The following ZNF483 variants were observed in gnomAD, a reference collection of about 807,000 sequenced individuals.
ZNF483 encodes the protein zinc finger protein 483, also known as zinc finger protein HIT-10.
Under a neutral mutation model 28.6 loss-of-function variants are expected in ZNF483, and 9 were observed. The ratio of observed to expected loss-of-function variants is 0.32; its 90% confidence interval spans 0.19 to 0.55. The LOEUF is 0.55. ZNF483 is among the 20% of genes least tolerant of loss of function. The pLI is 0.93. For missense variants in ZNF483, 675 were observed against 871.7 expected, an observed-to-expected ratio of 0.77 and a Z score of 2.84; for synonymous variants, 322 against 306.2, an observed-to-expected ratio of 1.05 and a Z score of -0.54.
At chr9:111,574,604 TA>T (rs35972893) in intron 5 of ZNF483, 83,773 of 483,778 alleles carry the variant, frequency 0.17, 1 homozygote, top group Middle Eastern at 0.23. Flanking sequence ...GACTCTGTCT[TA>T]AAAAAAAAAA....
At chr9:111,569,624 G>A (rs1308620216) in intron 5 of ZNF483, among the ~76,000 whole-genome samples, 1 of 152,146 alleles carries the variant, frequency 6.6e-6, no homozygotes, top group African/African-American at 2.4e-5. Flanking sequence ...AGTTAGCTGG[G>A]CGTGGTGGTA....
chr9:111,530,761 A>ATATATATATATATATT (rs1827308828), intron 2 of ZNF483, 114 bp from the exon 3 acceptor site: 1 of 10,104 alleles, frequency 9.9e-5, no homozygotes, highest in African/African-American at 7.5e-4. Context: ...TTAGAAATAT[A>ATATATATATATATATT]TATATATATA....
In ZNF483 at chr9:111,542,761, G is replaced by A; in HGVS notation, c.1826G>A (p.Cys609Tyr). ...CACACTGGAGAAAAACCATATTTGT[G>A]TAATGATTGCGGAATGACTTTTAGC... ...RIHTGEKPYLCNDCGMTFSHF... is the reference protein window; with the variant it reads ...RIHTGEKPYLYNDCGMTFSHF... The change falls in exon 6 of 6, where the codon TGT (cysteine) becomes TAT (tyrosine). Residue 609 changes from cysteine (C) to tyrosine (Y), a missense_variant. Physicochemically the swap from Cys to Tyr is radical, Grantham distance 194. Transcript: ENST00000309235. This position sits in a 1 kb window ranked among gnomAD's most constrained non-coding sequence, Gnocchi z 6.2. 6.2e-7 allele frequency: 1 copy of A among 1,614,052 alleles called. No individual in the cohort carries two copies. Among genetic ancestry groups the A allele is most frequent in the Non-Finnish European group, 8.5e-7 (1 of 1,179,974 alleles).
In ZNF483 at chr9:111,554,516, C is replaced by T. The variant is rs779808422; in HGVS notation, c.*11346C>T. Among the ~76,000 whole-genome samples the T allele has an allele frequency of 6.6e-6, 1 of 152,152 alleles. No homozygotes were observed. The highest frequency in any genetic ancestry group is 1.5e-5 in the Non-Finnish European group (1 of 68,012). ...CCATGGGGGATATGCTCCAAGACCT[C>T]GAGTGGATGCCTGCAACCTCAGATA... On this transcript the variant is annotated 3_prime_UTR_variant, in exon 6 of 6. Coordinates refer to ENST00000309235, the MANE Select transcript of ZNF483 (RefSeq NM_133464.5).
Position 111,527,769 on chromosome 9 carries a change from C to T in ZNF483, c.374C>T (p.Thr125Ile), listed in dbSNP as rs770409913. 3.5e-5 allele frequency: 56 copies of T among 1,614,006 alleles called. No homozygotes were observed. The African/African-American group carries it at 6.8e-4, about 20-fold the overall frequency. The change falls in exon 2 of 6, where the codon ACC becomes ATC. Residue 125 changes from threonine (T) to isoleucine (I), a missense_variant. Thr to Ile is a moderately conservative substitution (Grantham distance 89, BLOSUM62 -1). Transcript: ENST00000309235. Reference protein sequence around the residue: ...QHPESSEEVVTLIEDLTQMLE... With the variant: ...QHPESSEEVVILIEDLTQMLE... ...CCTGAGAGTAGTGAGGAAGTGGTGA[C>T]CCTAATAGAAGATTTGACCCAGATG...
In ZNF483 at chr9:111,543,459, A is replaced by G. The variant is rs778647862; in HGVS notation, c.*289A>G. ...GGATTTCTCTCTGATTTCTTCTACTACCATGTAGTGTGATGGAGAGAACTT... is the reference window on the plus strand; with the variant it reads ...GGATTTCTCTCTGATTTCTTCTACTGCCATGTAGTGTGATGGAGAGAACTT... On this transcript the variant is annotated 3_prime_UTR_variant, in exon 6 of 6. Coordinates refer to ENST00000309235, the MANE Select transcript of ZNF483 (RefSeq NM_133464.5). 9.6e-6 allele frequency: 11 copies of G among 1,141,684 alleles called. No individual in the cohort carries two copies. Among genetic ancestry groups the G allele is most frequent in the South Asian group, 5.6e-5 (2 of 35,990 alleles). 70.7% of individuals were successfully genotyped at this position (1,141,684 alleles called of 1,614,324 possible). A position where few individuals can be genotyped will look rare whatever the true frequency, so the allele number is the denominator to read the frequency against.
chr9:111,567,519 G>T (rs575456270), intron 5 of ZNF483, among the ~76,000 whole-genome samples: 2 of 152,164 alleles, frequency 1.3e-5, no homozygotes, highest in Non-Finnish European at 2.9e-5. Context: ...TGCAGGACGT[G>T]AGAGAATTCA....
In ZNF483 at chr9:111,543,782, T is replaced by G; in HGVS notation, c.*612T>G. On this transcript the variant is annotated 3_prime_UTR_variant, in exon 6 of 6. Coordinates refer to ENST00000309235, the MANE Select transcript of ZNF483 (RefSeq NM_133464.5). ...CTTCTTTTCTTTTTTTTTTCTTTTT[T>G]TTTTTTCAATTTTTCTTTTTTGGGA... The G allele has an allele frequency of 1.1e-6, 1 of 948,654 alleles. No homozygotes were observed. The highest frequency in any genetic ancestry group is 4.9e-5 in the South Asian group (1 of 20,584). 58.8% of individuals were successfully genotyped at this position (948,654 alleles called of 1,614,324 possible). A position where few individuals can be genotyped will look rare whatever the true frequency, so the allele number is the denominator to read the frequency against.
chr9:111,561,172 AG>A (rs1467882842), intron 5 of ZNF483, among the ~76,000 whole-genome samples: 1 of 134,538 alleles, frequency 7.4e-6, no homozygotes, highest in Admixed American at 7.4e-5. Context: ...AGAGAGAGAG[AG>A]AGAGAAAGAG....
At chr9:111,541,604 C>T (rs1261678161) in intron 5 of ZNF483, 53 bp from the exon 6 acceptor site, 1 of 1,454,902 alleles carries the variant, frequency 6.9e-7, no homozygotes, top group South Asian at 1.4e-5. Context: ...ACCCAAAATA[C>T]AACAGCTTCC....
At chr9:111,533,211 A>G (rs892785137) in intron 3 of ZNF483, among the ~76,000 whole-genome samples, 1 of 152,226 alleles carries the variant, frequency 6.6e-6, no homozygotes, top group Non-Finnish European at 1.5e-5. Context: ...AACTTGATCA[A>G]TGTTACACAT....
intron 5 of ZNF483, chr9:111,563,465 T>G: frequency 2.5e-6 from 1 of 399,148 alleles, no homozygotes; most frequent in Non-Finnish European, 4.4e-6. Flanking sequence ...CGGATCATAG[T>G]GCGAAATGTC....
chr9:111,535,037 A>G (rs538377156), intron 5 of ZNF483, among the ~76,000 whole-genome samples: 2 of 152,164 alleles, frequency 1.3e-5, no homozygotes, highest in African/African-American at 4.8e-5. Context: ...TGCAGTTCCA[A>G]AAAAGTTTAG....
chr9:111,570,662 C>A (rs1036679913), intron 5 of ZNF483, among the ~76,000 whole-genome samples: 1 of 151,702 alleles, frequency 6.6e-6, no homozygotes, highest in East Asian at 1.9e-4. Flanking sequence ...GCCTATAGTC[C>A]CAGCTACTTG....
At position 111,542,929 on chromosome 9, in the gene ZNF483, G is replaced by A; in HGVS notation, c.1994G>A (p.Cys665Tyr). 6.2e-7 allele frequency: 1 copy of A among 1,614,082 alleles called. No individual in the cohort carries two copies. Among genetic ancestry groups the A allele is most frequent in the Non-Finnish European group, 8.5e-7 (1 of 1,179,994 alleles). Reference sequence around the variant, plus strand: ...CATACTGGTGTAAAACCTTATAAATGTAAAGAATGTGGGAAGTCCTTCAGT... The same window carrying A: ...CATACTGGTGTAAAACCTTATAAATATAAAGAATGTGGGAAGTCCTTCAGT... ...RIHTGVKPYK[C>Y]KECGKSFSQS... is the part of the protein sequence containing the mutation. Residue 665 changes from cysteine (C) to tyrosine (Y), a missense_variant, in exon 6 of 6, where the codon TGT becomes TAT. Physicochemically the swap from Cys to Tyr is radical, Grantham distance 194. This residue lies in a region of ZNF483 where 47 missense variants were observed against 93.5 expected (regional missense o/e 0.50). Coordinates refer to ENST00000309235, the MANE Select transcript of ZNF483 (RefSeq NM_133464.5). This position sits in a 1 kb window ranked among gnomAD's most constrained non-coding sequence, Gnocchi z 6.2.
chr9:111,557,672 C>T (rs1221772776), downstream of ZNF483, among the ~76,000 whole-genome samples: 2 of 151,960 alleles, frequency 1.3e-5, no homozygotes, highest in Admixed American at 6.6e-5. Flanking sequence ...TCAAGTGATC[C>T]GCCCACCTCG....
intron 5 of ZNF483, among the ~76,000 whole-genome samples, chr9:111,571,730 C>T (rs552067779): frequency 7.2e-5 from 11 of 152,210 alleles, no homozygotes; most frequent in Non-Finnish European, 1.6e-4. Flanking sequence ...GTTTGAAACT[C>T]CTGGGCCAAG....
At chr9:111,563,475 C>A in intron 5 of ZNF483, 1 of 358,708 alleles carries the variant, frequency 2.8e-6, no homozygotes, top group South Asian at 8.4e-5. Context: ...TGCGAAATGT[C>A]ATAAGGCAGT....
At chr9:111,536,578 TAAAAG>T (rs1278372254) in intron 5 of ZNF483, among the ~76,000 whole-genome samples, 7 of 152,140 alleles carry the variant, frequency 4.6e-5, no homozygotes, top group Admixed American at 6.6e-5. Context: ...TGGTTTATCT[TAAAAG>T]AAAGAAGCAA....
Sources: gnomAD v4.1 joint callset for allele counts (sites outside exome capture counted in the v4.1 genomes callset) on GRCh38, gnomAD v4.1.1 for gene constraint, gnomAD v4.1.1 regional missense constraint, Gnocchi (gnomAD v3.1) non-coding constraint, MANE v1.5 for transcripts, NCBI Gene and HGNC (gene_info 2026-07-23, HGNC 2026-07-21) for gene names.